Variants in LHX8 observed in about 807,000 individuals in gnomAD.
LHX8 encodes LIM homeobox 8, also known as LIM/homeobox protein Lhx8.
Under a neutral mutation model 40.3 loss-of-function variants are expected in LHX8, and 12 were observed. The ratio of observed to expected loss-of-function variants is 0.30; its 90% CI spans 0.19 to 0.48. LHX8 has a LOEUF of 0.48. LHX8 is among the 20% of genes least tolerant of loss of function. LHX8 has a pLI of 0.99. For synonymous variants in LHX8, 179 were observed against 162.0 expected (o/e 1.10, Z -0.80); for missense variants, 344 against 433.7 (o/e 0.79, Z 1.84).
chr1:75,186,044 G>A, the LHX8 span, among the ~76,000 whole-genome samples: 27 of 152,116 alleles, frequency 1.8e-4, no homozygotes, highest in African/African-American at 5.8e-4. Flanking sequence ...AGAAATCAGA[G>A]ATGACACAAA....
At chr1:75,157,559 T>C (rs886732487) in intron 8 of LHX8, among the ~76,000 whole-genome samples, 6 of 152,246 alleles carry the variant, frequency 3.9e-5, no homozygotes, top group South Asian at 2.1e-4. Flanking sequence ...AAGTAGCAGA[T>C]ATAATTAGCA....
At chr1:75,153,612 A>G (rs1180128323) in intron 7 of LHX8, among the ~76,000 whole-genome samples, 1 of 151,334 alleles carries the variant, frequency 6.6e-6, no homozygotes, top group African/African-American at 2.4e-5. Context: ...GGGTTTCACC[A>G]TGTTGGCCAG....
At chr1:75,163,977 T>C (rs1222671242), downstream of LHX8, among the ~76,000 whole-genome samples, 2 of 152,208 alleles carry the variant, frequency 1.3e-5, no homozygotes, top group African/African-American at 4.8e-5. Context: ...AATCTGCTGG[T>C]GCCTTGATCT....
At chr1:75,191,327 T>C in the LHX8 span, among the ~76,000 whole-genome samples, 228 of 152,244 alleles carry the variant, frequency 1.5e-3, 2 homozygotes, top group African/African-American at 5.2e-3. Context: ...ATGCCATTAA[T>C]GAAGGTCCCC....
At chr1:75,160,742 G>T in intron 8 of LHX8, 77 bp from the exon 9 acceptor site, 2 of 962,378 alleles carry the variant, frequency 2.1e-6, no homozygotes, top group South Asian at 1.3e-5. Context: ...ACAATGCCTT[G>T]GATTGTTTTT....
intron 3 of LHX8, among the ~76,000 whole-genome samples, chr1:75,137,469 A>G (rs772692665): frequency 1.3e-5 from 2 of 152,166 alleles, no homozygotes; most frequent in Non-Finnish European, 2.9e-5. Flanking sequence ...TCGTTGCAAA[A>G]CAGCTAATGT....
At chr1:75,174,510 G>A in the LHX8 span, among the ~76,000 whole-genome samples, 33 of 152,094 alleles carry the variant, frequency 2.2e-4, no homozygotes, top group African/African-American at 7.5e-4. Flanking sequence ...AGTGTGTGTG[G>A]ACACACATGC....
the LHX8 span, among the ~76,000 whole-genome samples, chr1:75,167,635 T>C: frequency 6.6e-6 from 1 of 152,228 alleles, no homozygotes; most frequent in South Asian, 2.1e-4. Flanking sequence ...CTCTACACTT[T>C]AATAAGTTTT....
intron 5 of LHX8, 84 bp downstream of exon 5, chr1:75,143,422 G>A (rs986172951): frequency 1.1e-6 from 1 of 934,156 alleles, no homozygotes; most frequent in Non-Finnish European, 1.6e-6. Flanking sequence ...TCATCTTAAT[G>A]CATTATTTTG....
At chr1:75,157,141 G>T in intron 8 of LHX8, 65 bp downstream of exon 8, 1 of 1,508,172 alleles carries the variant, frequency 6.6e-7, no homozygotes. Flanking sequence ...TCTAATATTA[G>T]ATTATTGATA....
chr1:75,139,446 A>AAAAAC (rs1324643145), intron 3 of LHX8, among the ~76,000 whole-genome samples: 7 of 152,288 alleles, frequency 4.6e-5, no homozygotes, highest in East Asian at 1.9e-4. Flanking sequence ...GCCTAGCTTT[A>AAAAAC]AAAACAAAAC....
the LHX8 span, among the ~76,000 whole-genome samples, chr1:75,188,261 C>T: frequency 1.3e-5 from 2 of 152,016 alleles, no homozygotes; most frequent in African/African-American, 4.8e-5. Context: ...AAAGACCACA[C>T]TCAATGAGAA....
At chr1:75,198,763 T>G in the LHX8 span, among the ~76,000 whole-genome samples, 1 of 152,130 alleles carries the variant, frequency 6.6e-6, no homozygotes, top group Non-Finnish European at 1.5e-5. Flanking sequence ...CTCTTCCACC[T>G]CCATTTCCTC....
chr1:75,139,019 A>T (rs900795289), intron 3 of LHX8, among the ~76,000 whole-genome samples: 5 of 152,168 alleles, frequency 3.3e-5, no homozygotes, highest in Admixed American at 3.3e-4. Flanking sequence ...CTTCCTGCAG[A>T]AAAGTTTGAG....
intron 7 of LHX8, among the ~76,000 whole-genome samples, chr1:75,154,711 T>C (rs538691688): frequency 5.5e-4 from 84 of 152,148 alleles, no homozygotes; most frequent in Middle Eastern, 3.4e-3. Context: ...TGGGGTGTGG[T>C]CTATAGGTAT....
At chr1:75,182,977 TTTC>T in the LHX8 span, 1 of 152,208 alleles carries the variant, frequency 6.6e-6, no homozygotes, top group Non-Finnish European at 1.5e-5. Context: ...TTCACTCCTC[TTTC>T]TTATGAGCCA....
At chr1:75,177,793 A>G in the LHX8 span, among the ~76,000 whole-genome samples, 5 of 152,206 alleles carry the variant, frequency 3.3e-5, no homozygotes, top group African/African-American at 7.2e-5. Context: ...CCCATTCAGT[A>G]TGATACTGGC....
chr1:75,136,524 C>G (rs1648136130), intron 1 of LHX8, 79 bp from the exon 2 acceptor site: 3 of 1,102,802 alleles, frequency 2.7e-6, no homozygotes, highest in East Asian at 2.6e-5. Context: ...GCTCGCTCCC[C>G]GCGCCGAGGC....
the LHX8 span, among the ~76,000 whole-genome samples, chr1:75,171,964 C>G: frequency 6.6e-6 from 1 of 151,976 alleles, no homozygotes; most frequent in South Asian, 2.1e-4. Flanking sequence ...TTGTGTAGGG[C>G]GAGAAATACT....
Sources: allele counts gnomAD v4.1 joint callset (sites outside exome capture counted in the v4.1 genomes callset), GRCh38; gene constraint gnomAD v4.1.1; transcripts MANE v1.5; gene names NCBI Gene and HGNC (gene_info 2026-07-23, HGNC 2026-07-21).